The following ANKRD30B variants were observed in gnomAD, a reference collection of about 807,000 sequenced individuals.
ANKRD30B encodes the protein ankyrin repeat domain-containing protein 30B.
A neutral mutation model predicts 202.2 loss-of-function variants in ANKRD30B; 144 were observed. The ratio of observed to expected loss-of-function variants is 0.71; its 90% CI spans 0.62 to 0.82. ANKRD30B has a LOEUF of 0.82. Ranked by LOEUF, ANKRD30B falls within the 40% of genes least tolerant of loss-of-function variation. The probability of loss-of-function intolerance (pLI) is 0.00; values close to 1 mark genes in which losing one functional copy is unlikely to be tolerated. For synonymous variants in ANKRD30B, 508 were observed against 561.3 expected (o/e 0.91, Z 1.34); for missense variants, 1,487 against 1,669.1 (o/e 0.89, Z 1.90).
chr18:14,875,265 GA>G, the ANKRD30B span, among the ~76,000 whole-genome samples: 1 of 152,156 alleles, frequency 6.6e-6, no homozygotes, highest in Non-Finnish European at 1.5e-5. Flanking sequence ...AGACTTTCGG[GA>G]ATGATGGAAG....
the ANKRD30B span, among the ~76,000 whole-genome samples, chr18:14,925,188 G>A: frequency 1.3e-5 from 2 of 152,294 alleles, no homozygotes; most frequent in South Asian, 2.1e-4. Flanking sequence ...GAAGTGCTGG[G>A]TTTGGATAGA....
chr18:14,850,705 T>C (rs1971845554), intron 41 of ANKRD30B, among the ~76,000 whole-genome samples: 1 of 151,874 alleles, frequency 6.6e-6, no homozygotes, highest in African/African-American at 2.4e-5. Flanking sequence ...GACTCAAACA[T>C]TATCAAGAGG....
chr18:14,752,498 T>C, intron 1 of ANKRD30B, 68 bp from the exon 2 acceptor site: 1 of 1,157,526 alleles, frequency 8.6e-7, no homozygotes, highest in Non-Finnish European at 1.2e-6. Context: ...TGTTTACAAT[T>C]ACCTAAATCG....
chr18:14,937,272 G>A, the ANKRD30B span, among the ~76,000 whole-genome samples: 1 of 152,176 alleles, frequency 6.6e-6, no homozygotes, highest in South Asian at 2.1e-4. Flanking sequence ...AACACCACCA[G>A]CTTTTTCCCA....
intron 36 of ANKRD30B, 138 bp from the exon 37 acceptor site, chr18:14,840,450 A>C (rs996701049): frequency 6.4e-6 from 2 of 311,932 alleles, no homozygotes; most frequent in East Asian, 1.1e-4. Flanking sequence ...GAGGCAGGAT[A>C]ATTACTTGGT....
chr18:14,886,589 T>TG, the ANKRD30B span, among the ~76,000 whole-genome samples: 1 of 152,112 alleles, frequency 6.6e-6, no homozygotes, highest in Admixed American at 6.6e-5. Context: ...ATAGCTTGTA[T>TG]TTTATATGTA....
chr18:14,784,433 A>T, intron 13 of ANKRD30B, 30 bp from the exon 14 acceptor site: 1 of 1,612,710 alleles, frequency 6.2e-7, no homozygotes. Flanking sequence ...CACATTCTTT[A>T]TTGATCATTT....
At chr18:14,847,690 C>T (rs1971709721) in intron 39 of ANKRD30B, among the ~76,000 whole-genome samples, 1 of 151,206 alleles carries the variant, frequency 6.6e-6, no homozygotes, top group South Asian at 2.1e-4. Context: ...CAGCTTGATC[C>T]TTTTCATTTT....
At chr18:14,902,777 C>T in the ANKRD30B span, among the ~76,000 whole-genome samples, 1 of 152,160 alleles carries the variant, frequency 6.6e-6, no homozygotes, top group African/African-American at 2.4e-5. Flanking sequence ...TCTAGGCCCC[C>T]TACTAGGTAC....
chr18:14,938,385 C>T, the ANKRD30B span, among the ~76,000 whole-genome samples: 1 of 152,252 alleles, frequency 6.6e-6, no homozygotes, highest in South Asian at 2.1e-4. Context: ...GCTTGCCGCC[C>T]TCTGCTCTTT....
chr18:14,921,551 T>C, the ANKRD30B span, among the ~76,000 whole-genome samples: 2 of 131,070 alleles, frequency 1.5e-5, no homozygotes, highest in Non-Finnish European at 1.7e-5. Context: ...GTAGAATCTA[T>C]GTAGTAAAAA....
chr18:14,837,549 T>C, intron 35 of ANKRD30B, 66 bp from the exon 36 acceptor site: 9 of 1,223,130 alleles, frequency 7.4e-6, no homozygotes, highest in Non-Finnish European at 1.0e-5. Context: ...AATAGATTTG[T>C]ATATAGTTTT....
chr18:14,887,526 A>G, the ANKRD30B span, among the ~76,000 whole-genome samples: 1 of 151,928 alleles, frequency 6.6e-6, no homozygotes, highest in Non-Finnish European at 1.5e-5. Context: ...TTTTTTACAT[A>G]TTTGTATTGT....
the ANKRD30B span, among the ~76,000 whole-genome samples, chr18:14,937,596 CAT>C: frequency 7.0e-6 from 1 of 142,600 alleles, no homozygotes; most frequent in Non-Finnish European, 1.5e-5. Flanking sequence ...CTCTAAAGGG[CAT>C]GGAGGGGTGT....
At chr18:14,823,415 CA>C (rs962111216) in intron 32 of ANKRD30B, among the ~76,000 whole-genome samples, 2 of 151,370 alleles carry the variant, frequency 1.3e-5, no homozygotes, top group African/African-American at 4.9e-5. Context: ...CACTTGCTGA[CA>C]TGACAGTTGT....
chr18:14,769,865 C>T (rs1240320453), intron 8 of ANKRD30B, among the ~76,000 whole-genome samples: 1 of 152,212 alleles, frequency 6.6e-6, no homozygotes, highest in Non-Finnish European at 1.5e-5. Context: ...TTGTTATTAT[C>T]ATCAAAGTGT....
At chr18:14,845,972 G>A (rs368536123) in intron 39 of ANKRD30B, among the ~76,000 whole-genome samples, 8 of 152,010 alleles carry the variant, frequency 5.3e-5, no homozygotes, top group African/African-American at 1.9e-4. Context: ...TCACCTCTGT[G>A]ATTTGATTTT....
At chr18:14,919,907 G>A in the ANKRD30B span, among the ~76,000 whole-genome samples, 1 of 152,200 alleles carries the variant, frequency 6.6e-6, no homozygotes, top group African/African-American at 2.4e-5. Context: ...GGGCTTGCAG[G>A]TCAAAGTCCA....
the ANKRD30B span, among the ~76,000 whole-genome samples, chr18:14,892,727 G>A: frequency 8.7e-6 from 1 of 114,964 alleles, no homozygotes; most frequent in African/African-American, 3.2e-5. Context: ...GCAACAGAGT[G>A]AGACTCTGTT....
Sources: gnomAD v4.1 joint callset for allele counts (sites outside exome capture counted in the v4.1 genomes callset) on GRCh38, gnomAD v4.1.1 for gene constraint, MANE v1.5 for transcripts, NCBI Gene and HGNC (gene_info 2026-07-23, HGNC 2026-07-21) for gene names.